Variants in DGKH observed in about 807,000 individuals in gnomAD.
The protein encoded by DGKH is diacylglycerol kinase eta.
DGKH carries 90 observed loss-of-function variants against 159.3 expected under a neutral mutation model. That is an observed-to-expected ratio of 0.57 (90% CI 0.48 to 0.67). The LOEUF (loss-of-function observed/expected upper bound fraction) is 0.67. Ranked by LOEUF, DGKH falls within the 30% of genes least tolerant of loss-of-function variation. The probability of loss-of-function intolerance (pLI) is 0.00; values close to 1 mark genes in which losing one functional copy is unlikely to be tolerated. For synonymous variants in DGKH, 536 were observed against 553.8 expected, an observed-to-expected ratio of 0.97 and a Z score of 0.45; for missense variants, 1,181 against 1,506.1, an observed-to-expected ratio of 0.78 and a Z score of 3.57.
chr13:42,144,774 G>C (rs920619862), intron 3 of DGKH, among the ~76,000 whole-genome samples: 1 of 152,070 alleles, frequency 6.6e-6, no homozygotes, highest in Non-Finnish European at 1.5e-5. Context: ...TTTACATCCT[G>C]TATGAAATGC....
intron 7 of DGKH, among the ~76,000 whole-genome samples, chr13:42,163,465 T>C (rs1956240476): frequency 1.3e-5 from 2 of 152,164 alleles, no homozygotes; most frequent in African/African-American, 4.8e-5. Flanking sequence ...TGAACCAGGT[T>C]ACAGTCCCAC....
chr13:42,078,360 A>G (rs537360429), intron 1 of DGKH, among the ~76,000 whole-genome samples: 20 of 152,200 alleles, frequency 1.3e-4, no homozygotes, highest in Admixed American at 3.3e-4. Context: ...TGCCACTGCC[A>G]TAGCTGTCTC....
intron 15 of DGKH, among the ~76,000 whole-genome samples, chr13:42,189,676 A>T (rs571105398): frequency 6.6e-5 from 10 of 152,264 alleles, no homozygotes; most frequent in African/African-American, 2.4e-4. Context: ...ATAGAAAAAA[A>T]AATTTTTTGA....
intron 30 of DGKH, among the ~76,000 whole-genome samples, chr13:42,255,302 A>AT (rs1345995967): frequency 2.6e-5 from 4 of 152,010 alleles, no homozygotes; most frequent in East Asian, 1.9e-4. Context: ...TTGAATAAGA[A>AT]TTTTTTTAAA....
At chr13:42,162,541 C>T (rs1956212292) in intron 7 of DGKH, among the ~76,000 whole-genome samples, 1 of 151,532 alleles carries the variant, frequency 6.6e-6, no homozygotes. Flanking sequence ...AAAACATGAA[C>T]ACCTGTAATT....
Position 42,229,304 on chromosome 13 carries a change from C to G in DGKH, c.*116C>G. The G allele has an allele frequency of 1.2e-6, 1 of 845,486 alleles. No individual in the cohort carries two copies. The highest frequency in any genetic ancestry group is 1.8e-6 in the Non-Finnish European group (1 of 550,102). 52.4% of individuals were successfully genotyped at this position (845,486 alleles called of 1,614,324 possible). On this transcript the variant is annotated 3_prime_UTR_variant, in exon 30 of 30. Transcript: ENST00000337343. ...AGATAAGTAAGCACCACTGAAGCAC[C>G]TCTGTGGCTTGATATTTTGCTGTGG...
At position 42,219,806 on chromosome 13, in the gene DGKH, A is replaced by T. The variant is rs1215004967; in HGVS notation, c.3442+12A>T. The T allele has an allele frequency of 6.2e-7, 1 of 1,606,552 alleles. No homozygotes were observed. The highest frequency in any genetic ancestry group is 8.5e-7 in the Non-Finnish European group (1 of 1,174,592). ...AAGTTCACAGCCTGGTAGGTGGTCC[A>T]TATGGAAGGGGAAATATAACATTAT... On this transcript the variant is annotated intron_variant, in intron 28 of 29. Coordinates refer to ENST00000337343, the MANE Select transcript of DGKH (RefSeq NM_178009.5).
At chr13:42,144,031 A>G (rs992809142) in intron 3 of DGKH, among the ~76,000 whole-genome samples, 1 of 152,208 alleles carries the variant, frequency 6.6e-6, no homozygotes, top group African/African-American at 2.4e-5. Context: ...CCCACTATAA[A>G]TATCTGGATA....
downstream of DGKH, among the ~76,000 whole-genome samples, chr13:42,244,772 C>T (rs13378242): frequency 1.3e-5 from 2 of 150,200 alleles, no homozygotes; most frequent in East Asian, 1.9e-4. Flanking sequence ...GGCGTAGTGG[C>T]GGGCGCCTGT....
At chr13:42,222,206 CA>C (rs753704372) in intron 29 of DGKH, among the ~76,000 whole-genome samples, 14 of 152,276 alleles carry the variant, frequency 9.2e-5, no homozygotes, top group Admixed American at 2.0e-4. Context: ...CACATATTGC[CA>C]TTTTAAATTT....
intron 3 of DGKH, among the ~76,000 whole-genome samples, chr13:42,141,051 C>G (rs894268329): frequency 2.5e-4 from 2 of 7,996 alleles, no homozygotes; most frequent in African/African-American, 2.4e-4. Flanking sequence ...TCCCTCCCCC[C>G]TCCCACCAAC....
intron 1 of DGKH, among the ~76,000 whole-genome samples, chr13:42,043,479 A>G (rs527287467): frequency 3.9e-5 from 6 of 152,010 alleles, no homozygotes; most frequent in African/African-American, 1.4e-4. Context: ...AGCTAGGACT[A>G]CAGGCACATG....
intron 3 of DGKH, among the ~76,000 whole-genome samples, chr13:42,144,119 G>T (rs1012285998): frequency 6.6e-6 from 1 of 152,150 alleles, no homozygotes; most frequent in Non-Finnish European, 1.5e-5. Flanking sequence ...TATCTTGACA[G>T]TTCTATCCTG....
intron 1 of DGKH, among the ~76,000 whole-genome samples, chr13:42,082,149 T>C (rs1954213038): frequency 6.6e-6 from 1 of 151,826 alleles, no homozygotes; most frequent in South Asian, 2.1e-4. Context: ...TCCTTCTTGC[T>C]CTGCTTGGAC....
chr13:42,251,838 C>A (rs907794900), intron 29 of DGKH, among the ~76,000 whole-genome samples: 3 of 152,200 alleles, frequency 2.0e-5, no homozygotes, highest in Admixed American at 2.0e-4. Context: ...ACATACCCCC[C>A]ACTAAAGCAA....
intron 1 of DGKH, among the ~76,000 whole-genome samples, chr13:42,065,678 G>A (rs1882510081): frequency 6.6e-6 from 1 of 152,110 alleles, no homozygotes; most frequent in African/African-American, 2.4e-5. Flanking sequence ...GAAGGGAGAG[G>A]CGAATATGAG....
chr13:42,058,256 A>T (rs894164288), intron 1 of DGKH, among the ~76,000 whole-genome samples: 1 of 152,232 alleles, frequency 6.6e-6, no homozygotes, highest in African/African-American at 2.4e-5. Flanking sequence ...GACATATAAC[A>T]AAACCAATTT....
chr13:42,188,997 T>G (rs1346568534), intron 14 of DGKH, 39 bp from the exon 15 acceptor site: 1 of 1,587,748 alleles, frequency 6.3e-7, no homozygotes, highest in East Asian at 2.3e-5. Context: ...ATCTTGATTC[T>G]TTTTGAGTAT....
rs1555256114 is a variant in DGKH, at chr13:42,061,976, A to AGAGTGTGTGTGGGT, written c.192+13012_192+13013insAGTGTGTGTGGGTG. The stretch of plus-strand genomic sequence containing the variant: ...GCAGGGTAAAGGGAGAAAGATGGAG[A>AGAGTGTGTGTGGGT]GTGTGTGTGTGGGTGTGTGTGTGTG... On this transcript the variant is annotated intron_variant, in intron 1 of 29. Coordinates refer to ENST00000337343, the MANE Select transcript of DGKH (RefSeq NM_178009.5). 8.9e-5 allele frequency among the ~76,000 whole-genome samples: 7 copies of AGAGTGTGTGTGGGT among 78,480 alleles called. No individual in the cohort carries two copies. In the Admixed American group the frequency reaches 9.6e-4, roughly 11 times the overall value. 51.5% of individuals were successfully genotyped at this position (78,480 alleles called of 152,430 possible). A position where few individuals can be genotyped will look rare whatever the true frequency, so the allele number is the denominator to read the frequency against.
Sources: allele counts gnomAD v4.1 joint callset (sites outside exome capture counted in the v4.1 genomes callset), GRCh38; gene constraint gnomAD v4.1.1; transcripts MANE v1.5; gene names NCBI Gene and HGNC (gene_info 2026-07-23, HGNC 2026-07-21).